Variants in KCNAB1 observed in about 807,000 individuals in gnomAD.
KCNAB1 encodes potassium voltage-gated channel subfamily A regulatory beta subunit 1, also known as voltage-gated potassium channel subunit beta-1.
A neutral mutation model predicts 64.6 loss-of-function variants in KCNAB1; 35 were observed. The ratio of observed to expected loss-of-function variants is 0.54; its 90% confidence interval spans 0.41 to 0.72. The LOEUF is 0.72. Among genes scored for constraint, KCNAB1 ranks in the 30% least tolerant of loss-of-function variants. The pLI is 0.00. For missense variants in KCNAB1, 401 were observed against 512.9 expected (o/e 0.78, Z 2.11); for synonymous variants, 177 against 183.8 (o/e 0.96, Z 0.30).
At chr3:156,166,639 T>A (rs1711588888) in intron 1 of KCNAB1, among the ~76,000 whole-genome samples, 1 of 152,182 alleles carries the variant, frequency 6.6e-6, no homozygotes, top group Non-Finnish European at 1.5e-5. Flanking sequence ...TGGGTTTACA[T>A]CTTTTAAAGC....
intron 1 of KCNAB1, among the ~76,000 whole-genome samples, chr3:156,360,726 T>TA (rs879725781): frequency 1.4e-3 from 194 of 140,390 alleles, no homozygotes; most frequent in African/African-American, 2.3e-3. Flanking sequence ...TCCCTCTATT[T>TA]AAAAAAAAAA....
intron 1 of KCNAB1, among the ~76,000 whole-genome samples, chr3:156,295,080 A>C (rs1157225457): frequency 3.3e-5 from 5 of 152,308 alleles, no homozygotes; most frequent in Non-Finnish European, 7.3e-5. Flanking sequence ...CAAACAAACA[A>C]GCAAACAAAC....
intron 1 of KCNAB1, among the ~76,000 whole-genome samples, chr3:156,308,580 T>C (rs1560187289): frequency 1.3e-5 from 2 of 152,238 alleles, no homozygotes; most frequent in African/African-American, 4.8e-5. Flanking sequence ...CTCTCACATA[T>C]GGAGCTTCTC....
chr3:156,131,412 G>A (rs1472516908), intron 1 of KCNAB1, among the ~76,000 whole-genome samples: 3 of 152,174 alleles, frequency 2.0e-5, no homozygotes, highest in Non-Finnish European at 4.4e-5. Context: ...AAAGAAACTT[G>A]CCAAATATTT....
intron 1 of KCNAB1, among the ~76,000 whole-genome samples, chr3:156,159,080 T>C (rs1357807149): frequency 4.2e-5 from 6 of 143,340 alleles, no homozygotes; most frequent in African/African-American, 1.7e-4. Context: ...CGCCCCCCCC[T>C]GTAATAATTG....
At chr3:156,143,899 C>T (rs1376387066) in intron 1 of KCNAB1, among the ~76,000 whole-genome samples, 1 of 123,064 alleles carries the variant, frequency 8.1e-6, no homozygotes, top group Non-Finnish European at 1.7e-5. Context: ...GAAATGACAG[C>T]ACTTTATTTA....
At chr3:156,181,578 C>T (rs781601697) in intron 1 of KCNAB1, among the ~76,000 whole-genome samples, 1 of 152,042 alleles carries the variant, frequency 6.6e-6, no homozygotes, top group Non-Finnish European at 1.5e-5. Context: ...ATCTGGGAGT[C>T]CAGTCACGAG....
intron 1 of KCNAB1, among the ~76,000 whole-genome samples, chr3:156,407,446 T>G (rs1198972212): frequency 6.6e-6 from 1 of 152,218 alleles, no homozygotes; most frequent in Non-Finnish European, 1.5e-5. Flanking sequence ...TTGTTTATCA[T>G]GGGTCTTCCC....
chr3:156,523,868 G>A lies in KCNAB1; in HGVS notation c.1002G>A (p.Gly334=). ...AAGAAAGAATTGTAAGTGAAGAAGG[G>A]AGAAAACAGCAAAACAAGCTAAAAG... ...WLKERIVSEE[G]RKQQNKLKDL... is the part of the protein sequence containing the mutation. The change falls in exon 12 of 14, where the codon GGG becomes GGA. Residue 334 remains glycine (G), a synonymous_variant. Coordinates refer to ENST00000490337, the MANE Select transcript of KCNAB1 (RefSeq NM_172160.3). 1 of 1,613,690 alleles carries A rather than the reference G, an allele frequency of 6.2e-7. No individual in the cohort carries two copies. The highest frequency in any genetic ancestry group is 8.5e-7 in the Non-Finnish European group (1 of 1,179,670).
At chr3:156,349,790 C>T (rs866441773) in intron 1 of KCNAB1, among the ~76,000 whole-genome samples, 1 of 152,328 alleles carries the variant, frequency 6.6e-6, no homozygotes, top group Middle Eastern at 3.4e-3. Flanking sequence ...GTTGTAAACT[C>T]CTGGGCTCCA....
chr3:156,400,028 G>T (rs965075663), intron 1 of KCNAB1, among the ~76,000 whole-genome samples: 1 of 151,992 alleles, frequency 6.6e-6, no homozygotes, highest in Non-Finnish European at 1.5e-5. Context: ...TGGTGGCCAC[G>T]GTTCTAAACA....
chr3:156,351,067 G>A (rs530886413), intron 1 of KCNAB1, among the ~76,000 whole-genome samples: 40 of 152,338 alleles, frequency 2.6e-4, no homozygotes, highest in African/African-American at 8.7e-4. Flanking sequence ...CCTAATTTGG[G>A]CATCATCCAG....
chr3:156,195,334 G>C (rs1430874821), intron 1 of KCNAB1, among the ~76,000 whole-genome samples: 1 of 152,078 alleles, frequency 6.6e-6, no homozygotes, highest in African/African-American at 2.4e-5. Flanking sequence ...TGGTATTTCT[G>C]GTTCTAGATC....
chr3:156,392,751 A>AT lies in KCNAB1; in HGVS notation c.276-28859dup, dbSNP rs1417252007. Among the ~76,000 whole-genome samples, 3 of 152,284 alleles carry AT rather than the reference A, an allele frequency of 2.0e-5. No individual in the cohort carries two copies. In the East Asian group the frequency reaches 5.8e-4, roughly 29 times the overall value. Reference sequence around the variant, plus strand: ...GCAACTATTGGAATGATCAAAGGACATTTTTTCCCCTTATATTATCTAACT... The same window carrying AT: ...GCAACTATTGGAATGATCAAAGGACATTTTTTTCCCCTTATATTATCTAACT... On this transcript the variant is annotated intron_variant, in intron 1 of 13. Transcript: ENST00000490337.
intron 1 of KCNAB1, among the ~76,000 whole-genome samples, chr3:156,384,948 T>C (rs888972810): frequency 2.6e-5 from 4 of 152,148 alleles, no homozygotes; most frequent in Non-Finnish European, 5.9e-5. Flanking sequence ...TTCAGTACCT[T>C]TCCAACAGCT....
intron 1 of KCNAB1, among the ~76,000 whole-genome samples, chr3:156,285,608 C>T (rs1475739212): frequency 2.6e-5 from 4 of 152,158 alleles, no homozygotes; most frequent in Non-Finnish European, 5.9e-5. Context: ...TCAAGTGATC[C>T]TCCCACCTCA....
chr3:156,244,049 C>A (rs1448285086), intron 1 of KCNAB1, among the ~76,000 whole-genome samples: 1 of 152,224 alleles, frequency 6.6e-6, no homozygotes, highest in African/African-American at 2.4e-5. Flanking sequence ...ATACTCCATC[C>A]ACACCCATGC....
At position 156,438,557 on chromosome 3, in the gene KCNAB1, T is replaced by C. The variant is rs374797310; in HGVS notation, c.320-14342T>C. On this transcript the variant is annotated intron_variant, in intron 2 of 13. Coordinates refer to ENST00000490337, the MANE Select transcript of KCNAB1 (RefSeq NM_172160.3). ...TTCACTGTGAGTTCTGAAAAAGTCA[T>C]TTATGTTCTTGTGGAACTTCTGCTA... Among the ~76,000 whole-genome samples, 4 of 152,328 alleles carry C rather than the reference T, an allele frequency of 2.6e-5. No homozygotes were observed. The East Asian group carries it at 7.7e-4, about 29-fold the overall frequency.
intron 1 of KCNAB1, among the ~76,000 whole-genome samples, chr3:156,286,350 A>G (rs926193147): frequency 6.6e-5 from 10 of 152,262 alleles, no homozygotes; most frequent in Admixed American, 2.0e-4. Flanking sequence ...AGGCACAAAA[A>G]GTGGCTTGCC....
Sources: allele counts gnomAD v4.1 joint callset (sites outside exome capture counted in the v4.1 genomes callset), GRCh38; gene constraint gnomAD v4.1.1; transcripts MANE v1.5; gene names NCBI Gene and HGNC (gene_info 2026-07-23, HGNC 2026-07-21).